The following HYOU1 variants were observed in gnomAD, a reference collection of about 807,000 sequenced individuals.
HYOU1 encodes hypoxia up-regulated 1, also known as hypoxia up-regulated protein 1.
In HYOU1, 40 loss-of-function variants were observed where a neutral mutation model predicts 120.5. The observed-to-expected ratio is 0.33, with a 90% CI of 0.26 to 0.43. The LOEUF (loss-of-function observed/expected upper bound fraction) is 0.43, where lower values mean the gene tolerates loss of function less well. Among genes scored for constraint, HYOU1 ranks in the 20% least tolerant of loss-of-function variants. The pLI, the probability that HYOU1 is intolerant of heterozygous loss-of-function variation, is 1.00. For missense variants in HYOU1, 1,085 were observed against 1,278.3 expected, an observed-to-expected ratio of 0.85 and a Z score of 2.31; for synonymous variants, 501 against 479.4, an observed-to-expected ratio of 1.05 and a Z score of -0.59.
At position 119,047,970 on chromosome 11, in the gene HYOU1, G is replaced by C. The variant is rs138286788; in HGVS notation, c.2487C>G (p.Leu829=). ...PERLSALDNL[L]NHSSMFLKGA... ...ACTTGAGGAACATGCTGGAATGGTT[G>C]AGGAGATTATCGAGGGCAGACAGCC... The change falls in exon 21 of 26, where the codon CTC becomes CTG. Residue 829 remains leucine (L), a synonymous_variant. Coordinates refer to ENST00000617285, the MANE Select transcript of HYOU1 (RefSeq NM_006389.5). 2.4e-4 allele frequency: 387 copies of C among 1,614,202 alleles called. No homozygotes were observed. The African/African-American group carries it at 4.4e-3, about 18-fold the overall frequency.
chr11:119,054,473 G>A lies in HYOU1; in HGVS notation c.678+21C>T, dbSNP rs2133605097. 4 of 1,612,414 alleles carry A rather than the reference G, an allele frequency of 2.5e-6. No homozygotes were observed. In the African/African-American group the frequency reaches 5.3e-5, roughly 22 times the overall value. ...TAGATTCAGTCACCCTGCATGTCTGGTCAAGGCTCCCCTGGCTCACCTGGG... is the reference window on the plus strand; with the variant it reads ...TAGATTCAGTCACCCTGCATGTCTGATCAAGGCTCCCCTGGCTCACCTGGG... On this transcript the variant is annotated intron_variant, in intron 7 of 25. Transcript: ENST00000617285.
At position 119,045,592 on chromosome 11, in the gene HYOU1, G is replaced by T; in HGVS notation, c.*1C>A. On this transcript the variant is annotated 3_prime_UTR_variant, in exon 26 of 26. Transcript: ENST00000617285. ...ATGAATGGGGAAAACAGAGGTGGGGGTTATAGTTCGTCGTTCTTCAAAGGC... is the reference window on the plus strand; with the variant it reads ...ATGAATGGGGAAAACAGAGGTGGGGTTTATAGTTCGTCGTTCTTCAAAGGC... The T allele has an allele frequency of 6.2e-7, 1 of 1,613,370 alleles. No homozygotes were observed. Among genetic ancestry groups the T allele is most frequent in the Non-Finnish European group, 8.5e-7 (1 of 1,179,312 alleles).
chr11:119,052,669 C>T lies in HYOU1; in HGVS notation c.955G>A (p.Val319Ile), dbSNP rs2133594481. 39 of 1,613,844 alleles carry T rather than the reference C, an allele frequency of 2.4e-5. No individual in the cohort carries two copies. Among genetic ancestry groups the T allele is most frequent in the East Asian group, 1.3e-4 (6 of 44,892 alleles). Residue 319 changes from valine to isoleucine, a missense_variant, in exon 9 of 26, where the codon GTC becomes ATC. Physicochemically the swap from Val to Ile is conservative, Grantham distance 29. This residue lies in a region of HYOU1 where 515 missense variants were observed against 677.8 expected (regional missense o/e 0.76). Coordinates refer to ENST00000617285, the MANE Select transcript of HYOU1 (RefSeq NM_006389.5). This position sits in a 1 kb window ranked among gnomAD's most constrained non-coding sequence, Gnocchi z 5.0. ...LLREANRLKT[V>I]LSANADHMAQ... ...ATGTGGTCAGCGTTGGCACTGAGGA[C>T]GGTTTTGAGCCGATTAGCCTCACGC...
At chr11:119,047,704 T>C (rs2133557595) in intron 22 of HYOU1, 30 bp downstream of exon 22, 2 of 1,565,790 alleles carry the variant, frequency 1.3e-6, no homozygotes, top group Non-Finnish European at 1.8e-6. Flanking sequence ...GGCAGCTAAG[T>C]ATCTGGTTAA....
chr11:119,056,277 A>T (rs1458727692), intron 1 of HYOU1, 110 bp from the exon 2 acceptor site: 1 of 800,068 alleles, frequency 1.2e-6, no homozygotes, highest in Non-Finnish European at 2.1e-6. Context: ...CTTCATTCTT[A>T]CCCAGGGCAG....
In HYOU1 at chr11:119,057,179, CG is replaced by C. The variant is rs888789832; in HGVS notation, c.-168del. 4 of 151,366 alleles carry C rather than the reference CG, an allele frequency of 2.6e-5. No homozygotes were observed. Among genetic ancestry groups the C allele is most frequent in the African/African-American group, 9.7e-5 (4 of 41,320 alleles). The allele number at this position is 151,366 out of a possible 1,614,324, so 9.4% of individuals were successfully genotyped here. ...TCTCGGCGGCGTCTCGCGCACCAGC[CG>C]GCCCCGGACGCGGCGCGCGCTCATT... On this transcript the variant is annotated 5_prime_UTR_variant, in exon 1 of 26. It introduces an in-frame stop codon into an upstream open reading frame of the 5' UTR. Coordinates refer to ENST00000617285, the MANE Select transcript of HYOU1 (RefSeq NM_006389.5).
rs782340980 is a variant in HYOU1 at position 119,055,704 on chromosome 11, C to G, written c.185+46G>C. The stretch of plus-strand genomic sequence containing the variant: ...ATGACTAACACATTCACACTTGGAG[C>G]CCAGACTCCCTCGTTCCCCACCCTT... On this transcript the variant is annotated intron_variant, in intron 3 of 25. Coordinates refer to ENST00000617285, the MANE Select transcript of HYOU1 (RefSeq NM_006389.5). This position sits in a 1 kb window ranked among gnomAD's most constrained non-coding sequence, Gnocchi z 4.0. The G allele has an allele frequency of 6.5e-7, 1 of 1,549,922 alleles. No individual in the cohort carries two copies. Among genetic ancestry groups the G allele is most frequent in the Non-Finnish European group, 8.9e-7 (1 of 1,121,654 alleles).
At position 119,045,450 on chromosome 11, in the gene HYOU1, C is replaced by G; in HGVS notation, c.*143G>C. On this transcript the variant is annotated 3_prime_UTR_variant, in exon 26 of 26. Coordinates refer to ENST00000617285, the MANE Select transcript of HYOU1 (RefSeq NM_006389.5). ...ACCAGTGAGCTGTCCCTCCCTTCCCCTTCTCCACACCTCCAAATCACAGGG... is the reference window on the plus strand; with the variant it reads ...ACCAGTGAGCTGTCCCTCCCTTCCCGTTCTCCACACCTCCAAATCACAGGG... The G allele has an allele frequency of 1.3e-6, 1 of 799,946 alleles. No individual in the cohort carries two copies. The highest frequency in any genetic ancestry group is 2.2e-6 in the Non-Finnish European group (1 of 453,344). 49.6% of individuals were successfully genotyped at this position (799,946 alleles called of 1,614,324 possible). A position where few individuals can be genotyped will look rare whatever the true frequency, so the allele number is the denominator to read the frequency against.
chr11:119,056,179 G>A lies in HYOU1; in HGVS notation c.-7-12C>T, dbSNP rs782181332. ...CTGCCATAGTGCCCCTGGGGGAGGCGAAGAAAGAAAACACTTAAAACTGGA... is the reference window on the plus strand; with the variant it reads ...CTGCCATAGTGCCCCTGGGGGAGGCAAAGAAAGAAAACACTTAAAACTGGA... On this transcript the variant is annotated splice_polypyrimidine_tract_variant and intron_variant, in intron 1 of 25. Coordinates refer to ENST00000617285, the MANE Select transcript of HYOU1 (RefSeq NM_006389.5). The A allele has an allele frequency of 1.7e-5, 27 of 1,596,716 alleles. No homozygotes were observed. In the Middle Eastern group the frequency reaches 5.0e-4, roughly 29 times the overall value.
intron 2 of HYOU1, 47 bp downstream of exon 2, chr11:119,056,023 C>A: frequency 6.5e-7 from 1 of 1,533,848 alleles, no homozygotes. Context: ...CATCATGCAT[C>A]CTTCAGTCAT....
In HYOU1 at chr11:119,051,505, A is replaced by G. The variant is rs1158682197; in HGVS notation, c.1459T>C (p.Tyr487His). The G allele has an allele frequency of 1.7e-5, 28 of 1,613,970 alleles. No homozygotes were observed. Among genetic ancestry groups the G allele is most frequent in the Non-Finnish European group, 2.2e-5 (26 of 1,180,026 alleles). ...ATGTGGAAGTTGAAATCATGGCTGT[A>G]GCGGTTAAAGGTGATGACTTTGCGT... ...PQRKVITFNRYSHDFNFHINY... is the reference protein window; with the variant it reads ...PQRKVITFNRHSHDFNFHINY... Residue 487 changes from tyrosine to histidine, a missense_variant, in exon 13 of 26, where the codon TAC becomes CAC. This residue lies in a region of HYOU1 where 515 missense variants were observed against 677.8 expected (regional missense o/e 0.76). Coordinates refer to ENST00000617285, the MANE Select transcript of HYOU1 (RefSeq NM_006389.5). This position sits in a 1 kb window ranked among gnomAD's most constrained non-coding sequence, Gnocchi z 4.2.
rs2133558869 is a variant in HYOU1, at chr11:119,047,848, C to T, written c.2511-30G>A. The T allele has an allele frequency of 1.1e-5, 18 of 1,613,480 alleles. No individual in the cohort carries two copies. The South Asian group carries it at 1.9e-4, about 17-fold the overall frequency. On this transcript the variant is annotated intron_variant, in intron 21 of 25. Coordinates refer to ENST00000617285, the MANE Select transcript of HYOU1 (RefSeq NM_006389.5). Reference sequence around the variant, plus strand: ...AAGCCAGAAAGGAGACCATTAGCCCCAGAGGGAGAGGGGCCTGGAGTGTGG... The same window carrying T: ...AAGCCAGAAAGGAGACCATTAGCCCTAGAGGGAGAGGGGCCTGGAGTGTGG...
chr11:119,044,942 G>C lies in HYOU1; in HGVS notation c.*651C>G. The C allele has an allele frequency of 3.0e-6, 1 of 334,904 alleles. No homozygotes were observed. The highest frequency in any genetic ancestry group is 2.3e-5 in the South Asian group (1 of 43,896). 20.7% of individuals were successfully genotyped at this position (334,904 alleles called of 1,614,324 possible). A position where few individuals can be genotyped will look rare whatever the true frequency, so the allele number is the denominator to read the frequency against. On this transcript the variant is annotated 3_prime_UTR_variant, in exon 26 of 26. Coordinates refer to ENST00000617285, the MANE Select transcript of HYOU1 (RefSeq NM_006389.5). ...GGAAATACGAGTGAGAATCCTTCCA[G>C]ATTTACTTCCGCCAATCCAGAGGTA... is the stretch of plus-strand genomic sequence containing the variant.
chr11:119,048,801 C>A lies in HYOU1; in HGVS notation c.2078G>T (p.Arg693Leu). Reference sequence around the variant, plus strand: ...CACCCCGATCTCCTCTACCATTCGCCGCTTCCTGGCGGGCTTCTGCTTCTT... The same window carrying A: ...CACCCCGATCTCCTCTACCATTCGCAGCTTCCTGGCGGGCTTCTGCTTCTT... Reference protein sequence around the residue: ...GEKKQKPARKRRMVEEIGVEL... With the variant: ...GEKKQKPARKLRMVEEIGVEL... The change falls in exon 18 of 26, where the codon CGG (arginine) becomes CTG (leucine). Residue 693 changes from arginine (R) to leucine (L), a missense_variant. Arg to Leu is a moderately radical substitution (Grantham distance 102). Around this residue, in one of 4 missense-constraint regions of HYOU1, gnomAD observed 516 missense variants for 517.1 expected, o/e 1.00. Transcript: ENST00000617285. This position sits in a 1 kb window ranked among gnomAD's most constrained non-coding sequence, Gnocchi z 4.7. The A allele has an allele frequency of 1.9e-6, 3 of 1,614,134 alleles. No homozygotes were observed. The highest frequency in any genetic ancestry group is 1.1e-5 in the South Asian group (1 of 91,072).
At position 119,049,002 on chromosome 11, in the gene HYOU1, C is replaced by T; in HGVS notation, c.1992+16G>A. On this transcript the variant is annotated intron_variant, in intron 17 of 25. Coordinates refer to ENST00000617285, the MANE Select transcript of HYOU1 (RefSeq NM_006389.5). ...AGCCTCTGGATCCACACTGGCCTTC[C>T]TCTGCCACAGCTCACCTGGGCCTCA... 1 of 1,613,930 alleles carries T rather than the reference C, an allele frequency of 6.2e-7. No individual in the cohort carries two copies. Among genetic ancestry groups the T allele is most frequent in the African/African-American group, 1.3e-5 (1 of 75,056 alleles).
At chr11:119,050,178 A>G (rs1028571603) in intron 14 of HYOU1, among the ~76,000 whole-genome samples, 1 of 152,196 alleles carries the variant, frequency 6.6e-6, no homozygotes, top group Admixed American at 6.5e-5. Flanking sequence ...TTGGGAGGCC[A>G]AGGCAGGTGG....
rs561913719 is a variant in HYOU1, at chr11:119,056,320, G to A, written c.-7-153C>T. ...TACTTCTCCCCTTCTCCCTCCTGAT[G>A]GGTACAAACCATTCTCTAATCATCC... On this transcript the variant is annotated intron_variant, in intron 1 of 25. Transcript: ENST00000617285. 5 of 698,172 alleles carry A rather than the reference G, an allele frequency of 7.2e-6. No homozygotes were observed. In the East Asian group the frequency reaches 1.4e-4, roughly 19 times the overall value. The allele number at this position is 698,172 out of a possible 1,614,324, so 43.2% of individuals were successfully genotyped here. A position where few individuals can be genotyped will look rare whatever the true frequency, so the allele number is the denominator to read the frequency against.
intron 21 of HYOU1, 38 bp downstream of exon 21, chr11:119,047,909 C>A (rs2133559258): frequency 3.2e-5 from 52 of 1,613,896 alleles, no homozygotes; most frequent in Non-Finnish European, 4.1e-5. Flanking sequence ...AACCAGTGGC[C>A]TTGGCAGGAC....
chr11:119,049,888 C>T, intron 14 of HYOU1, 51 bp from the exon 15 acceptor site: 1 of 1,529,668 alleles, frequency 6.5e-7, no homozygotes, highest in Non-Finnish European at 9.1e-7. Context: ...CACCTTTTCT[C>T]CACAAACATC....
Sources: gnomAD v4.1 joint callset for allele counts (sites outside exome capture counted in the v4.1 genomes callset) on GRCh38, gnomAD v4.1.1 for gene constraint, gnomAD v4.1.1 regional missense constraint, Gnocchi (gnomAD v3.1) non-coding constraint, MANE v1.5 for transcripts, NCBI Gene and HGNC (gene_info 2026-07-23, HGNC 2026-07-21) for gene names.